RPS19: variants seen among roughly 807,000 people sequenced by gnomAD.
The protein encoded by RPS19 is small ribosomal subunit protein eS19.
In RPS19, 1 loss-of-function variant was observed where a neutral mutation model predicts 20.3. That is an observed-to-expected ratio of 0.05 (90% CI 0.02 to 0.23). RPS19 has a LOEUF of 0.23. Among genes scored for constraint, RPS19 ranks in the 10% least tolerant of loss-of-function variants. RPS19 has a pLI of 1.00. For synonymous variants in RPS19, 87 were observed against 74.8 expected, an observed-to-expected ratio of 1.16 and a Z score of -0.84; for missense variants, 111 against 192.7, an observed-to-expected ratio of 0.58 and a Z score of 2.51.
rs923006946 is a variant in RPS19 at position 41,871,717 on chromosome 19, C to G, written c.*340C>G. On this transcript the variant is annotated 3_prime_UTR_variant, in exon 6 of 6. Coordinates refer to ENST00000598742, the MANE Select transcript of RPS19 (RefSeq NM_001022.4). ...TCGGGCCTTCCCAGGTCAAACAGTTCCCATCTGGGTTTGGAGGAAGGACCC... is the reference window on the plus strand; with the variant it reads ...TCGGGCCTTCCCAGGTCAAACAGTTGCCATCTGGGTTTGGAGGAAGGACCC... 2.4e-5 allele frequency: 8 copies of G among 338,716 alleles called. No homozygotes were observed. Among genetic ancestry groups the G allele is most frequent in the Non-Finnish European group, 3.9e-5 (7 of 178,446 alleles). The allele number at this position is 338,716 out of a possible 1,614,324, so 21.0% of individuals were successfully genotyped here.
intron 3 of RPS19, chr19:41,864,559 A>G (rs12974044): frequency 0.26 from 39,061 of 152,232 alleles, 6,085 homozygotes; most frequent in Middle Eastern, 0.46. Context: ...CCCCGTGCTC[A>G]GATCCAGAGG....
chr19:41,871,217 G>T lies in RPS19; in HGVS notation c.412-134G>T, dbSNP rs1344562716. The T allele has an allele frequency of 3.7e-6, 3 of 805,924 alleles. No homozygotes were observed. In the African/African-American group the frequency reaches 5.1e-5, roughly 14 times the overall value. The allele number at this position is 805,924 out of a possible 1,614,324, so 49.9% of individuals were successfully genotyped here. ...TGAAATGGGGGAATACCCACAGTGA[G>T]AATTAGATGAGATAGATGCATTTGA... On this transcript the variant is annotated intron_variant, in intron 5 of 5. Transcript: ENST00000598742.
chr19:41,868,929 C>T, intron 3 of RPS19, 102 bp from the exon 4 acceptor site: 2 of 1,228,280 alleles, frequency 1.6e-6, no homozygotes, highest in Non-Finnish European at 2.4e-6. Flanking sequence ...TTTTCAGTTT[C>T]CCTTCTTATA....
intron 4 of RPS19, 22 bp downstream of exon 4, chr19:41,869,236 G>T: frequency 6.2e-7 from 1 of 1,603,104 alleles, no homozygotes; most frequent in Non-Finnish European, 8.5e-7. Flanking sequence ...AGAGGGGGCT[G>T]CATTGATGGA....
chr19:41,860,650 C>T (rs1285812867), intron 1 of RPS19, 125 bp from the exon 2 acceptor site: 4 of 813,710 alleles, frequency 4.9e-6, no homozygotes, highest in South Asian at 2.7e-5. Flanking sequence ...TTGAAGGGGC[C>T]GTGGGAAGTA....
intron 5 of RPS19, 111 bp downstream of exon 5, chr19:41,869,864 G>T: frequency 8.7e-7 from 1 of 1,143,092 alleles, no homozygotes; most frequent in South Asian, 1.3e-5. Flanking sequence ...GCACAGCCCA[G>T]GGTGCTGGTG....
At position 41,860,760 on chromosome 19, in the gene RPS19, G is replaced by A; in HGVS notation, c.1-15G>A. 6.2e-7 allele frequency: 1 copy of A among 1,608,366 alleles called. No individual in the cohort carries two copies. The highest frequency in any genetic ancestry group is 2.2e-5 in the East Asian group (1 of 44,866). The stretch of plus-strand genomic sequence containing the variant: ...CTGCCAGGCCTGTGTTCACATGCTT[G>A]ACTTTCTCCCTCAGATGCCTGGAGT... On this transcript the variant is annotated splice_polypyrimidine_tract_variant and intron_variant, in intron 1 of 5. Transcript: ENST00000598742.
intron 3 of RPS19, among the ~76,000 whole-genome samples, chr19:41,862,929 T>C (rs2123264318): frequency 6.6e-6 from 1 of 152,308 alleles, no homozygotes; most frequent in East Asian, 1.9e-4. Context: ...TTTGTTGGGT[T>C]ATAGCCACCC....
At chr19:41,869,859 G>A (rs2074128748) in intron 5 of RPS19, 106 bp downstream of exon 5, 2 of 1,210,066 alleles carry the variant, frequency 1.7e-6, no homozygotes, top group Non-Finnish European at 1.2e-6. Context: ...GGAGGGCACA[G>A]CCCAGGGTGC....
chr19:41,869,514 G>A (rs542057711), intron 4 of RPS19, 185 bp from the exon 5 acceptor site: 273 of 635,876 alleles, frequency 4.3e-4, no homozygotes, highest in African/African-American at 3.9e-3. Flanking sequence ...ACAACACCCC[G>A]TCAGCTCCCA....
Position 41,860,842 on chromosome 19 carries a change from A to G in RPS19, c.68A>G (p.Lys23Arg), listed in dbSNP as rs143477104. 632 of 1,613,402 alleles carry G rather than the reference A, an allele frequency of 3.9e-4. No individual in the cohort carries two copies. The highest frequency in any genetic ancestry group is 5.1e-4 in the Non-Finnish European group (601 of 1,179,622). The change falls in exon 2 of 6, where the codon AAA becomes AGA. Residue 23 changes from lysine (K) to arginine (R), a missense_variant. By Grantham distance (26) the Lys-to-Arg change is conservative (BLOSUM62 2). Transcript: ENST00000598742. ...EFVRALAAFL[K>R]KSGKLKVPEW... The stretch of plus-strand genomic sequence containing the variant: ...GTCAGAGCTCTGGCAGCCTTCCTCA[A>G]AAAGTGAGTTTGGGGACTGAGGTTC...
At chr19:41,868,794 T>G (rs530166820) in intron 3 of RPS19, among the ~76,000 whole-genome samples, 1 of 151,318 alleles carries the variant, frequency 6.6e-6, no homozygotes, top group East Asian at 2.0e-4. Flanking sequence ...TAGTAACCAC[T>G]AAAGAAGTTG....
intron 3 of RPS19, among the ~76,000 whole-genome samples, chr19:41,861,811 C>A (rs2074035045): frequency 6.6e-6 from 1 of 152,186 alleles, no homozygotes. Flanking sequence ...TCAGTCCCTG[C>A]TTTAAATCTT....
chr19:41,869,657 C>A (rs782456702), intron 4 of RPS19, 42 bp from the exon 5 acceptor site: 2 of 1,605,858 alleles, frequency 1.2e-6, no homozygotes, highest in Non-Finnish European at 1.7e-6. Context: ...GAGAACAGGA[C>A]CTGTGCTCAC....
chr19:41,861,574 C>T lies in RPS19; in HGVS notation c.172+362C>T, dbSNP rs117914890. The T allele has an allele frequency of 2.2e-3, 810 of 360,788 alleles. 1 individual carries two copies. The highest frequency in any genetic ancestry group is 6.6e-3 in the Middle Eastern group (7 of 1,062). 22.3% of individuals were successfully genotyped at this position (360,788 alleles called of 1,614,324 possible). A position where few individuals can be genotyped will look rare whatever the true frequency, so the allele number is the denominator to read the frequency against. Reference sequence around the variant, plus strand: ...GTGTGTCCTCTGGCAAGTTGGTTAACCTGCCTGTGCACTCTCTCATCCCCA... The same window carrying T: ...GTGTGTCCTCTGGCAAGTTGGTTAATCTGCCTGTGCACTCTCTCATCCCCA... On this transcript the variant is annotated intron_variant, in intron 3 of 5. Coordinates refer to ENST00000598742, the MANE Select transcript of RPS19 (RefSeq NM_001022.4).
At chr19:41,861,491 C>T (rs1012550969) in intron 3 of RPS19, 7 of 459,658 alleles carry the variant, frequency 1.5e-5, no homozygotes, top group Non-Finnish European at 2.4e-5. Context: ...TGGTTTAATC[C>T]TTTCTATATA....
intron 3 of RPS19, among the ~76,000 whole-genome samples, chr19:41,867,649 T>C (rs1367912806): frequency 6.6e-6 from 1 of 152,176 alleles, no homozygotes; most frequent in African/African-American, 2.4e-5. Flanking sequence ...AGATTACTTA[T>C]AGATTAATAC....
intron 1 of RPS19, 194 bp downstream of exon 1, chr19:41,860,483 G>A: frequency 2.1e-6 from 1 of 465,836 alleles, no homozygotes; most frequent in South Asian, 2.1e-5. Context: ...GGCCCCGGGG[G>A]GCAGCGGCGG....
chr19:41,860,687 G>A, intron 1 of RPS19, 88 bp from the exon 2 acceptor site: 1 of 998,238 alleles, frequency 1.0e-6, no homozygotes, highest in Non-Finnish European at 1.6e-6. Flanking sequence ...TTTAGGATGC[G>A]CTGGAGCGAA....
Sources: gnomAD v4.1 joint callset for allele counts (sites outside exome capture counted in the v4.1 genomes callset) on GRCh38, gnomAD v4.1.1 for gene constraint, MANE v1.5 for transcripts, NCBI Gene and HGNC (gene_info 2026-07-23, HGNC 2026-07-21) for gene names.